ASNS: variants seen among roughly 807,000 people sequenced by gnomAD.
ASNS encodes asparagine synthetase (glutamine-hydrolyzing).
A neutral mutation model predicts 62.6 loss-of-function variants in ASNS; 37 were observed. That is an observed-to-expected ratio of 0.59 (90% CI 0.45 to 0.78). ASNS has a LOEUF of 0.78. Ranked by LOEUF, ASNS falls within the 30% of genes least tolerant of loss-of-function variation. ASNS has a pLI of 0.00. For synonymous variants in ASNS, 207 were observed against 237.9 expected, an observed-to-expected ratio of 0.87 and a Z score of 1.19; for missense variants, 520 against 682.4, an observed-to-expected ratio of 0.76 and a Z score of 2.65.
the ASNS span, among the ~76,000 whole-genome samples, chr7:97,894,096 T>C: frequency 1.3e-5 from 2 of 152,158 alleles, no homozygotes; most frequent in Admixed American, 6.5e-5. Context: ...TACAAATACA[T>C]GGACATTAAA....
chr7:97,900,913 C>T, the ASNS span, among the ~76,000 whole-genome samples: 1 of 152,098 alleles, frequency 6.6e-6, no homozygotes, highest in South Asian at 2.1e-4. Flanking sequence ...TTGTTGTTGA[C>T]TCTAAGTAAA....
chr7:97,919,259 G>T, the ASNS span, among the ~76,000 whole-genome samples: 1 of 152,180 alleles, frequency 6.6e-6, no homozygotes, highest in South Asian at 2.1e-4. Context: ...AGGATTACAG[G>T]TGCACACCAC....
At chr7:97,911,614 C>G in the ASNS span, among the ~76,000 whole-genome samples, 2 of 151,938 alleles carry the variant, frequency 1.3e-5, no homozygotes, top group Admixed American at 1.3e-4. Flanking sequence ...TGCACTCCAG[C>G]CTGGGCAACA....
At chr7:97,920,902 GCTC>G in the ASNS span, among the ~76,000 whole-genome samples, 2 of 152,144 alleles carry the variant, frequency 1.3e-5, no homozygotes, top group African/African-American at 2.4e-5. Context: ...TAATTTGGGG[GCTC>G]CATCCCTCAG....
At chr7:97,925,874 T>C in the ASNS span, among the ~76,000 whole-genome samples, 15 of 152,144 alleles carry the variant, frequency 9.9e-5, no homozygotes, top group Non-Finnish European at 1.8e-4. Context: ...AGGAGAGACT[T>C]GTCTCCCTCC....
the ASNS span, among the ~76,000 whole-genome samples, chr7:97,904,315 C>CAG: frequency 2.1e-5 from 3 of 146,004 alleles, no homozygotes; most frequent in Non-Finnish European, 4.5e-5. Flanking sequence ...CACACACACA[C>CAG]ACAGAGAGAG....
chr7:97,860,600 T>C (rs1411610302), intron 4 of ASNS, among the ~76,000 whole-genome samples: 1 of 152,234 alleles, frequency 6.6e-6, no homozygotes, highest in Non-Finnish European at 1.5e-5. Flanking sequence ...CCCCTTTGAT[T>C]GATCTCATTA....
At chr7:97,887,889 G>T in the ASNS span, among the ~76,000 whole-genome samples, 9 of 152,298 alleles carry the variant, frequency 5.9e-5, no homozygotes, top group African/African-American at 2.2e-4. Context: ...TAATGAATAT[G>T]ACTGTAGAGC....
chr7:97,888,284 T>C, the ASNS span, among the ~76,000 whole-genome samples: 1 of 152,284 alleles, frequency 6.6e-6, no homozygotes, highest in Middle Eastern at 3.4e-3. Flanking sequence ...TCTTATTCTT[T>C]TTAAATAGAA....
At chr7:97,869,214 C>G (rs150208798) in intron 2 of ASNS, 35 bp from the exon 3 acceptor site, 42 of 1,591,862 alleles carry the variant, frequency 2.6e-5, no homozygotes, top group Admixed American at 1.0e-4. Context: ...CAAAAATATT[C>G]AATATCCAAT....
chr7:97,912,498 A>T, the ASNS span, among the ~76,000 whole-genome samples: 58 of 151,576 alleles, frequency 3.8e-4, no homozygotes, highest in African/African-American at 1.4e-3. Flanking sequence ...CCCTGTGTGT[A>T]AAATCCAACA....
the ASNS span, among the ~76,000 whole-genome samples, chr7:97,909,580 T>C: frequency 1.3e-4 from 20 of 152,030 alleles, no homozygotes; most frequent in Non-Finnish European, 2.6e-4. Flanking sequence ...AGTGCTAAGA[T>C]TACAGGTGTG....
At chr7:97,871,942 G>A (rs556258402) in intron 1 of ASNS, 20 of 152,320 alleles carry the variant, frequency 1.3e-4, no homozygotes, top group African/African-American at 4.8e-4. Flanking sequence ...CCCTGGCCAC[G>A]AGCACGATCC....
upstream of ASNS, among the ~76,000 whole-genome samples, chr7:97,875,881 G>T (rs1792428432): frequency 6.6e-6 from 1 of 150,464 alleles, no homozygotes; most frequent in Admixed American, 6.6e-5. Context: ...TTTTGAGACA[G>T]AGTCTTACTC....
the ASNS span, chr7:97,928,314 C>G: frequency 4.9e-6 from 7 of 1,418,356 alleles, no homozygotes; most frequent in Admixed American, 1.4e-4. Flanking sequence ...TCCGGGGGCT[C>G]TGCCTGCATT....
the ASNS span, among the ~76,000 whole-genome samples, chr7:97,910,061 A>G: frequency 6.6e-6 from 1 of 152,184 alleles, no homozygotes; most frequent in Non-Finnish European, 1.5e-5. Context: ...TGACAATACA[A>G]GACGGAGTCA....
At chr7:97,854,187 G>C (rs778254470) in intron 10 of ASNS, among the ~76,000 whole-genome samples, 3 of 152,180 alleles carry the variant, frequency 2.0e-5, no homozygotes, top group Non-Finnish European at 4.4e-5. Context: ...CTCACTACTT[G>C]TCACATGATG....
At chr7:97,889,925 T>TAAA in the ASNS span, among the ~76,000 whole-genome samples, 8 of 7,306 alleles carry the variant, frequency 1.1e-3, no homozygotes, top group East Asian at 9.2e-3. Flanking sequence ...AGATAATGAA[T>TAAA]ACAAAAAAAA....
chr7:97,864,551 A>C, intron 3 of ASNS, 55 bp from the exon 4 acceptor site: 1 of 1,236,378 alleles, frequency 8.1e-7, no homozygotes, highest in Non-Finnish European at 1.2e-6. Flanking sequence ...TTCACTAATA[A>C]TTTTTTATTG....
Sources: gnomAD v4.1 joint callset for allele counts (sites outside exome capture counted in the v4.1 genomes callset) on GRCh38, gnomAD v4.1.1 for gene constraint, MANE v1.5 for transcripts, NCBI Gene and HGNC (gene_info 2026-07-23, HGNC 2026-07-21) for gene names.